Variants in MEIOSIN observed in about 807,000 individuals in gnomAD.
MEIOSIN encodes the protein meiosis initiator.
In MEIOSIN, 18 loss-of-function variants were observed where a neutral mutation model predicts 23.4. The observed-to-expected ratio is 0.77, with a 90% CI of 0.53 to 1.14. The LOEUF is 1.14. Among genes scored for constraint, MEIOSIN ranks in the 50% most tolerant of loss-of-function variants. The pLI is 0.00. For synonymous variants in MEIOSIN, 187 were observed against 100.6 expected (o/e 1.86, Z -5.14); for missense variants, 428 against 242.9 (o/e 1.76, Z -5.07).
chr19:45,743,494 C>T (rs567620030), intron 3 of MEIOSIN, among the ~76,000 whole-genome samples: 1 of 152,090 alleles, frequency 6.6e-6, no homozygotes, highest in Non-Finnish European at 1.5e-5. Context: ...ATCGTTTCTA[C>T]CAGGAGGTAA....
chr19:45,760,789 G>A (rs1042957123), intron 11 of MEIOSIN, among the ~76,000 whole-genome samples: 44 of 152,024 alleles, frequency 2.9e-4, no homozygotes, highest in African/African-American at 1.0e-3. Context: ...TTAGCTGGGC[G>A]TGGTGGTGGG....
At chr19:45,747,312 A>G (rs1310346524) in intron 4 of MEIOSIN, among the ~76,000 whole-genome samples, 1 of 152,150 alleles carries the variant, frequency 6.6e-6, no homozygotes, top group Non-Finnish European at 1.5e-5. Flanking sequence ...CCATAGCAGG[A>G]GCTGTGAGAA....
chr19:45,754,675 G>C lies in MEIOSIN; in HGVS notation c.753G>C (p.Gln251His), dbSNP rs906730939. ...GTGACAGAAAAGGAGGACAGTCCCA[G>C]CTGACGCTGTTGGATCTGGCCGAGG... is the stretch of plus-strand genomic sequence containing the variant. The part of the protein sequence containing the change: ...PPGDRKGGQS[Q>H]LTLLDLAEDT... The change falls in exon 7 of 15, where the codon CAG becomes CAC. Residue 251 changes from glutamine (Q) to histidine (H), a missense_variant. Coordinates refer to ENST00000457052, the MANE Select transcript of MEIOSIN (RefSeq NM_001310124.2). 1.4e-6 allele frequency: 1 copy of C among 703,084 alleles called. No individual in the cohort carries two copies. The highest frequency in any genetic ancestry group is 2.6e-6 in the Non-Finnish European group (1 of 385,030). The allele number at this position is 703,084 out of a possible 1,614,324, so 43.6% of individuals were successfully genotyped here. A position where few individuals can be genotyped will look rare whatever the true frequency, so the allele number is the denominator to read the frequency against.
chr19:45,757,092 G>A, intron 8 of MEIOSIN, 85 bp from the exon 9 acceptor site: 1 of 662,922 alleles, frequency 1.5e-6, no homozygotes, highest in Admixed American at 2.1e-5. Context: ...CTCCCCCAGG[G>A]GCCAGTGCAG....
At chr19:45,758,337 C>T (rs1272698309) in intron 9 of MEIOSIN, among the ~76,000 whole-genome samples, 3 of 152,078 alleles carry the variant, frequency 2.0e-5, no homozygotes, top group African/African-American at 4.8e-5. Flanking sequence ...TTATAATCAG[C>T]CTATGGGACT....
intron 4 of MEIOSIN, among the ~76,000 whole-genome samples, chr19:45,748,329 C>T (rs745694103): frequency 9.9e-5 from 15 of 152,222 alleles, no homozygotes; most frequent in Non-Finnish European, 1.9e-4. Flanking sequence ...ATCCACCCGC[C>T]TCGGGCTCTG....
Position 45,751,701 on chromosome 19 carries a change from A to G in MEIOSIN, c.418+915A>G, listed in dbSNP as rs547266329. Among the ~76,000 whole-genome samples the G allele has an allele frequency of 3.9e-3, 564 of 145,934 alleles. 3 individuals carry two copies. The highest frequency in any genetic ancestry group is 0.012 in the African/African-American group (477 of 39,100). On this transcript the variant is annotated intron_variant, in intron 5 of 14. Coordinates refer to ENST00000457052, the MANE Select transcript of MEIOSIN (RefSeq NM_001310124.2). Reference sequence around the variant, plus strand: ...GCACATCTAGCCTTAGGGGACTGCTATGTTCCAGGTGCTGTGGTATGTTTC... The same window carrying G: ...GCACATCTAGCCTTAGGGGACTGCTGTGTTCCAGGTGCTGTGGTATGTTTC...
chr19:45,755,836 C>T (rs1266850947), intron 7 of MEIOSIN, 134 bp from the exon 8 acceptor site: 1 of 603,690 alleles, frequency 1.7e-6, no homozygotes, highest in African/African-American at 1.8e-5. Flanking sequence ...TGACACCCTG[C>T]ATCCTGAGGT....
At position 45,750,804 on chromosome 19, in the gene MEIOSIN, T is replaced by C; in HGVS notation, c.418+18T>C. ...ACTTGCGGGTAAGTAGTTCAGCCAGTGTTTCCTGGTGCCTGTGATGTTCCA... is the reference window on the plus strand; with the variant it reads ...ACTTGCGGGTAAGTAGTTCAGCCAGCGTTTCCTGGTGCCTGTGATGTTCCA... On this transcript the variant is annotated intron_variant, in intron 5 of 14. Transcript: ENST00000457052. 1 of 585,126 alleles carries C rather than the reference T, an allele frequency of 1.7e-6. No homozygotes were observed. Among genetic ancestry groups the C allele is most frequent in the Non-Finnish European group, 3.0e-6 (1 of 333,916 alleles). The allele number at this position is 585,126 out of a possible 1,614,324, so 36.2% of individuals were successfully genotyped here.
At chr19:45,760,699 C>T (rs141813372) in intron 11 of MEIOSIN, among the ~76,000 whole-genome samples, 1,740 of 149,326 alleles carry the variant, frequency 0.012, 76 homozygotes, top group Admixed American at 0.092. Flanking sequence ...GAGGCTGAGG[C>T]GGGCAGATCA....
chr19:45,740,275 A>C (rs1006773048), intron 3 of MEIOSIN, among the ~76,000 whole-genome samples: 2 of 152,238 alleles, frequency 1.3e-5, no homozygotes, highest in Non-Finnish European at 2.9e-5. Flanking sequence ...AGAAACAGGC[A>C]CAGAGAAGTG....
At chr19:45,755,899 T>G in intron 7 of MEIOSIN, 71 bp from the exon 8 acceptor site, 3 of 669,430 alleles carry the variant, frequency 4.5e-6, no homozygotes, top group Non-Finnish European at 8.2e-6. Context: ...GGCACCCCTT[T>G]GTCCCCTGCT....
At chr19:45,755,916 C>A in intron 7 of MEIOSIN, 54 bp from the exon 8 acceptor site, 2 of 684,178 alleles carry the variant, frequency 2.9e-6, no homozygotes, top group Non-Finnish European at 5.3e-6. Flanking sequence ...TGCTTCTGGG[C>A]TTCCTGGAAT....
At chr19:45,755,735 G>T (rs10419334) in intron 7 of MEIOSIN, among the ~76,000 whole-genome samples, 81,759 of 151,986 alleles carry the variant, frequency 0.54, 22,702 homozygotes, top group East Asian at 0.65. Flanking sequence ...TATGAGCCAC[G>T]GTGCCCAGCC....
At chr19:45,762,504 TGCA>T in intron 13 of MEIOSIN, among the ~76,000 whole-genome samples, 1 of 152,218 alleles carries the variant, frequency 6.6e-6, no homozygotes. Context: ...CACAGCTCAC[TGCA>T]ATGTCTGCCT....
In MEIOSIN at chr19:45,737,911, ACT is replaced by A. The variant is rs374389244; in HGVS notation, c.72-1712_72-1711del. ...CACTCCAGCCTGGGCAACGAGTGAA[ACT>A]CTGTCTCAAAAAAAAAAAAAAAATT... On this transcript the variant is annotated intron_variant, in intron 2 of 14. Coordinates refer to ENST00000457052, the MANE Select transcript of MEIOSIN (RefSeq NM_001310124.2). 2.0e-3 allele frequency among the ~76,000 whole-genome samples: 300 copies of A among 148,826 alleles called. 3 individuals carry two copies. Among genetic ancestry groups the A allele is most frequent in the African/African-American group, 7.2e-3 (290 of 40,142 alleles).
At chr19:45,752,249 T>G (rs1368493734) in intron 5 of MEIOSIN, among the ~76,000 whole-genome samples, 1 of 151,470 alleles carries the variant, frequency 6.6e-6, no homozygotes, top group African/African-American at 2.4e-5. Context: ...GGAGTTTCTC[T>G]CTGTCGCCCA....
chr19:45,763,600 C>T (rs1408548856), intron 14 of MEIOSIN, among the ~76,000 whole-genome samples, 173 bp downstream of exon 14: 1 of 152,162 alleles, frequency 6.6e-6, no homozygotes, highest in Non-Finnish European at 1.5e-5. Flanking sequence ...TAGGGGTACC[C>T]CACCACAGCT....
intron 4 of MEIOSIN, among the ~76,000 whole-genome samples, chr19:45,747,646 T>C (rs935565605): frequency 3.3e-5 from 5 of 152,186 alleles, no homozygotes; most frequent in African/African-American, 1.2e-4. Context: ...CTAAGTGTCT[T>C]AGATACATTT....
Sources: gnomAD v4.1 joint callset for allele counts (sites outside exome capture counted in the v4.1 genomes callset) on GRCh38, gnomAD v4.1.1 for gene constraint, MANE v1.5 for transcripts, NCBI Gene and HGNC (gene_info 2026-07-23, HGNC 2026-07-21) for gene names.